Variants in TAF6L observed in about 807,000 individuals in gnomAD.
TAF6L encodes TATA-box binding protein associated factor 6 like, also known as TAF6-like RNA polymerase II p300/CBP-associated factor-associated factor 65 kDa subunit 6L.
TAF6L carries 34 observed loss-of-function variants against 57.3 expected under a neutral mutation model. That is an observed-to-expected ratio of 0.59 (90% confidence interval 0.45 to 0.79). The LOEUF is 0.79. Among genes scored for constraint, TAF6L ranks in the 30% least tolerant of loss-of-function variants. The pLI is 0.00. For missense variants in TAF6L, 782 were observed against 853.2 expected (o/e 0.92, Z 1.04); for synonymous variants, 417 against 376.3 (o/e 1.11, Z -1.25).
intron 9 of TAF6L, among the ~76,000 whole-genome samples, chr11:62,785,800 G>T (rs2084269152): frequency 6.6e-6 from 1 of 152,158 alleles, no homozygotes; most frequent in Admixed American, 6.5e-5. Flanking sequence ...CTCCCAAAGT[G>T]CTGGGATTAC....
rs767684203 is a variant in TAF6L at position 62,787,191 on chromosome 11, T to A, written c.1764T>A (p.Pro588=). 1.9e-6 allele frequency: 3 copies of A among 1,588,792 alleles called. No homozygotes were observed. In the Admixed American group the frequency reaches 5.1e-5, roughly 27 times the overall value. ...FQTAFPAPYG[P]SPASRYVQKL... ...CTGCCTTCCCCGCGCCGTACGGGCC[T>A]AGCCCGGCCTCGCGCTACGTGCAGA... The change falls in exon 11 of 11, where the codon CCT becomes CCA. Residue 588 remains proline (P), a synonymous_variant. Transcript: ENST00000294168.
Position 62,786,981 on chromosome 11 carries a change from C to T in TAF6L, c.1554C>T (p.Ala518=). 6.9e-7 allele frequency: 1 copy of T among 1,453,446 alleles called. No homozygotes were observed. The highest frequency in any genetic ancestry group is 1.5e-5 in the African/African-American group (1 of 66,964). 90.0% of individuals were successfully genotyped at this position (1,453,446 alleles called of 1,614,324 possible). ...GGPASASGPA[A]SESRPLPRVH... is the part of the protein sequence containing the mutation. ...CCGCGTCGGCCTCTGGGCCCGCCGC[C>T]TCTGAGAGCAGGCCCTTGCCGCGCG... Residue 518 remains alanine (A), a synonymous_variant, in exon 11 of 11, where the codon GCC becomes GCT. Transcript: ENST00000294168.
At chr11:62,783,113 C>A (rs998301309) in intron 9 of TAF6L, among the ~76,000 whole-genome samples, 1 of 152,202 alleles carries the variant, frequency 6.6e-6, no homozygotes, top group African/African-American at 2.4e-5. Context: ...GAGCATTTTA[C>A]ACATGAATAG....
At chr11:62,778,805 G>C (rs2084205704) in intron 5 of TAF6L, 64 bp from the exon 6 acceptor site, 1 of 1,384,806 alleles carries the variant, frequency 7.2e-7, no homozygotes, top group Non-Finnish European at 1.0e-6. Flanking sequence ...GGGGGAGGAG[G>C]CTGGAGAGGC....
intron 6 of TAF6L, among the ~76,000 whole-genome samples, chr11:62,779,976 A>ATATATATATATATATTTTTTTT (rs1294367864): frequency 9.5e-5 from 5 of 52,618 alleles, no homozygotes; most frequent in East Asian, 5.2e-4. Flanking sequence ...ATATATATAT[A>ATATATATATATATATTTTTTTT]TTTTTTTTTT....
intron 9 of TAF6L, 149 bp from the exon 10 acceptor site, chr11:62,786,111 A>G (rs1009565916): frequency 3.1e-6 from 3 of 975,702 alleles, no homozygotes; most frequent in Non-Finnish European, 4.6e-6. Context: ...TTCCAAATAA[A>G]TATATGGTTG....
chr11:62,785,100 A>AGTGCTGGGATTACAAGC (rs1565190138), intron 9 of TAF6L, among the ~76,000 whole-genome samples: 2 of 151,992 alleles, frequency 1.3e-5, no homozygotes, highest in African/African-American at 4.8e-5. Flanking sequence ...GCCTTCCCAA[A>AGTGCTGGGATTACAAGC]GTGCTGGGAT....
chr11:62,772,760 T>A (rs1331044639), intron 1 of TAF6L, among the ~76,000 whole-genome samples: 1 of 148,940 alleles, frequency 6.7e-6, no homozygotes, highest in Non-Finnish European at 1.5e-5. Flanking sequence ...ATCAAGCCAC[T>A]GCACTCCAGC....
In TAF6L at chr11:62,782,121, T is replaced by C. The variant is rs12224551; in HGVS notation, c.615T>C (p.Ser205=). 1.9e-6 allele frequency: 3 copies of C among 1,607,182 alleles called. No individual in the cohort carries two copies. Among genetic ancestry groups the C allele is most frequent in the East Asian group, 2.2e-5 (1 of 44,818 alleles). Residue 205 remains serine, a synonymous_variant, in exon 8 of 11, where the codon TCT becomes TCC. Coordinates refer to ENST00000294168, the MANE Select transcript of TAF6L (RefSeq NM_006473.4). ...CCCTCTTCTCCCAACAGGTGAAATC[T>C]GTAAGCCATGACCTGGAGCAACTGC... ...YFVYVVSGVK[S]VSHDLEQLHR...
rs780584149 is a variant in TAF6L at position 62,782,798 on chromosome 11, G to A, written c.933G>A (p.Val311=). 58 of 1,613,826 alleles carry A rather than the reference G, an allele frequency of 3.6e-5. No homozygotes were observed. Among genetic ancestry groups the A allele is most frequent in the Middle Eastern group, 1.7e-4 (1 of 5,860 alleles). ...CGCTCTGCTGCCACTATGGAGCCGT[G>A]GTGGGGCTGCATGCTCTTGGCTGGA... is the stretch of plus-strand genomic sequence containing the variant. ...VRPLCCHYGA[V]VGLHALGWKA... The change falls in exon 9 of 11, where the codon GTG becomes GTA. Residue 311 remains valine (V), a synonymous_variant. Coordinates refer to ENST00000294168, the MANE Select transcript of TAF6L (RefSeq NM_006473.4).
In TAF6L at chr11:62,778,080, G is replaced by A; in HGVS notation, c.337G>A (p.Ala113Thr). The change falls in exon 4 of 11, where the codon GCC becomes ACC. Residue 113 changes from alanine (A) to threonine (T), a missense_variant. This residue lies in a region of TAF6L where 220 missense variants were observed against 252.1 expected (regional missense o/e 0.87). Coordinates refer to ENST00000294168, the MANE Select transcript of TAF6L (RefSeq NM_006473.4). ...EDREVNLVEL[A>T]LATNIPKGCA... Reference sequence around the variant, plus strand: ...TCGAGAGGTGAACCTGGTGGAGCTGGCCCTGGCTACCAACATCCCCAAAGG... The same window carrying A: ...TCGAGAGGTGAACCTGGTGGAGCTGACCCTGGCTACCAACATCCCCAAAGG... 2 of 1,614,180 alleles carry A rather than the reference G, an allele frequency of 1.2e-6. No homozygotes were observed. Among genetic ancestry groups the A allele is most frequent in the Non-Finnish European group, 1.7e-6 (2 of 1,180,026 alleles).
intron 4 of TAF6L, 47 bp downstream of exon 4, chr11:62,778,175 G>C (rs771707530): frequency 1.2e-5 from 19 of 1,613,940 alleles, no homozygotes; most frequent in Non-Finnish European, 1.2e-5. Context: ...GTTGGGCCGT[G>C]AAGAGAAGTG....
intron 6 of TAF6L, among the ~76,000 whole-genome samples, chr11:62,779,945 C>T (rs1392809130): frequency 1.6e-5 from 2 of 125,056 alleles, no homozygotes; most frequent in African/African-American, 3.0e-5. Flanking sequence ...GGATTACAGG[C>T]GTGAGCCTAT....
At chr11:62,781,584 G>A (rs2084230134) in intron 6 of TAF6L, 1 of 301,064 alleles carries the variant, frequency 3.3e-6, no homozygotes, top group Admixed American at 5.0e-5. Flanking sequence ...TGAGGCAGGA[G>A]AATGGTGTAA....
chr11:62,785,981 T>G (rs1260560016), intron 9 of TAF6L: 2 of 285,854 alleles, frequency 7.0e-6, no homozygotes, highest in Non-Finnish European at 1.3e-5. Flanking sequence ...AAACTAAATT[T>G]TGGAGTTGTC....
rs149852639 is a variant in TAF6L, at chr11:62,786,641, C to T, written c.1214C>T (p.Ser405Leu). ...LPWDSLLFQESSSGGGAEPSF... is the reference protein window; with the variant it reads ...LPWDSLLFQELSSGGGAEPSF... The stretch of plus-strand genomic sequence containing the variant: ...TGGGACAGCCTTCTCTTTCAAGAGT[C>T]GTCCTCCGGGGGCGGTGCAGAACCC... Residue 405 changes from serine (S) to leucine (L), a missense_variant, in exon 11 of 11, where the codon TCG becomes TTG. By Grantham distance (145) the Ser-to-Leu change is moderately radical. Coordinates refer to ENST00000294168, the MANE Select transcript of TAF6L (RefSeq NM_006473.4). 3.1e-6 allele frequency: 5 copies of T among 1,602,836 alleles called. No homozygotes were observed. In the East Asian group the frequency reaches 8.9e-5, roughly 29 times the overall value.
intron 3 of TAF6L, 68 bp downstream of exon 3, chr11:62,776,538 G>A: frequency 6.6e-7 from 1 of 1,517,096 alleles, no homozygotes; most frequent in Non-Finnish European, 9.1e-7. Context: ...GTTCAGGGCT[G>A]GCGATGTGGT....
At chr11:62,772,234 A>G in intron 1 of TAF6L, 2 of 424,620 alleles carry the variant, frequency 4.7e-6, no homozygotes, top group South Asian at 1.7e-5. Flanking sequence ...GTACAGTGCT[A>G]TTCGTGGCCG....
chr11:62,772,844 T>C (rs1256338186), intron 1 of TAF6L, among the ~76,000 whole-genome samples: 1 of 149,670 alleles, frequency 6.7e-6, no homozygotes, highest in African/African-American at 2.5e-5. Context: ...TTCTTTCTTT[T>C]AGAAGATCTT....
Sources: allele counts gnomAD v4.1 joint callset (sites outside exome capture counted in the v4.1 genomes callset), GRCh38; gene constraint gnomAD v4.1.1; regional missense constraint gnomAD v4.1.1; transcripts MANE v1.5; gene names NCBI Gene and HGNC (gene_info 2026-07-23, HGNC 2026-07-21).